Variants in KLHL13 observed in about 807,000 individuals in gnomAD.
KLHL13 encodes the protein kelch-like protein 13.
In KLHL13, 10 loss-of-function variants were observed where a neutral mutation model predicts 37.1. The ratio of observed to expected loss-of-function variants is 0.27; its 90% CI spans 0.17 to 0.46. KLHL13 has a LOEUF of 0.46. KLHL13 is among the 20% of genes least tolerant of loss of function. KLHL13 has a pLI of 1.00. For synonymous variants in KLHL13, 163 were observed against 181.2 expected (o/e 0.90, Z 0.81); for missense variants, 360 against 509.3 (o/e 0.71, Z 2.82).
chrX:118,018,415 G>A (rs1393470248), intron 1 of KLHL13, among the ~76,000 whole-genome samples: 1 of 111,639 alleles, frequency 9.0e-6, no homozygotes, highest in Non-Finnish European at 1.9e-5. Flanking sequence ...ATCATAAACA[G>A]AACAAATATA....
chrX:118,028,672 A>T (rs754072452), intron 1 of KLHL13, among the ~76,000 whole-genome samples, 175 bp from the exon 2 acceptor site: 69 of 112,136 alleles, frequency 6.2e-4, no homozygotes, highest in African/African-American at 2.1e-3. Context: ...AATCTTATTT[A>T]AAAAACTGAA....
intron 1 of KLHL13, among the ~76,000 whole-genome samples, chrX:118,023,255 C>T (rs1199710230): frequency 9.0e-6 from 1 of 111,083 alleles, no homozygotes; most frequent in Non-Finnish European, 1.9e-5. Flanking sequence ...TTTATTGCTG[C>T]TTAAGGAACA....
chrX:117,934,578 C>A (rs182062737), intron 2 of KLHL13, among the ~76,000 whole-genome samples: 1 of 110,016 alleles, frequency 9.1e-6, no homozygotes, highest in Non-Finnish European at 1.9e-5. Context: ...CAAGAAGGGA[C>A]CATAAAGCTG....
intron 1 of KLHL13, among the ~76,000 whole-genome samples, chrX:118,053,838 A>AGGGGGG (rs1322412138): frequency 2.6e-5 from 1 of 38,498 alleles, no homozygotes; most frequent in Non-Finnish European, 4.2e-5. Context: ...AGAGAGAGAG[A>AGGGGGG]GAGAGAGAGA....
At chrX:118,015,282 C>G (rs1362577782) in intron 1 of KLHL13, among the ~76,000 whole-genome samples, 1 of 111,480 alleles carries the variant, frequency 9.0e-6, no homozygotes, top group Non-Finnish European at 1.9e-5. Flanking sequence ...GAAAATACAT[C>G]GAGGTGTTAA....
At chrX:118,069,691 A>G (rs893243473) in intron 1 of KLHL13, among the ~76,000 whole-genome samples, 35 of 111,978 alleles carry the variant, frequency 3.1e-4, no homozygotes, top group African/African-American at 1.1e-3. Context: ...AAGTGTTATT[A>G]CAAAAGAGGC....
chrX:118,102,119 A>T (rs1319897894), intron 1 of KLHL13, among the ~76,000 whole-genome samples: 3 of 111,509 alleles, frequency 2.7e-5, no homozygotes, highest in Non-Finnish European at 5.6e-5. Context: ...GCAGGAGTCA[A>T]GTCATGATGG....
intron 1 of KLHL13, among the ~76,000 whole-genome samples, chrX:117,984,878 T>C (rs1294441882): frequency 9.1e-6 from 1 of 110,376 alleles, no homozygotes; most frequent in Admixed American, 9.8e-5. Context: ...AAAAATCTGG[T>C]ATGCCACCTT....
chrX:117,975,490 C>A (rs928284726), upstream of KLHL13, among the ~76,000 whole-genome samples: 2 of 111,495 alleles, frequency 1.8e-5, no homozygotes, highest in African/African-American at 6.5e-5. Context: ...TTTCAGGTTG[C>A]AGCAATTCTC....
At chrX:117,989,834 A>C (rs146764816) in intron 1 of KLHL13, among the ~76,000 whole-genome samples, 7,029 of 111,179 alleles carry the variant, frequency 0.063, 530 homozygotes, top group African/African-American at 0.21. Context: ...AGATACAGGT[A>C]ATGGGTTTGC....
intron 1 of KLHL13, among the ~76,000 whole-genome samples, chrX:118,072,175 G>T (rs371413413): frequency 1.9e-4 from 21 of 109,465 alleles, no homozygotes; most frequent in African/African-American, 3.7e-4. Flanking sequence ...AAATAACGCC[G>T]CATATCTACA....
At chrX:117,987,660 T>C (rs1015855540) in intron 1 of KLHL13, among the ~76,000 whole-genome samples, 2 of 112,355 alleles carry the variant, frequency 1.8e-5, no homozygotes, top group Non-Finnish European at 3.8e-5. Flanking sequence ...TGATTTCTTT[T>C]ATGTAAACAA....
intron 1 of KLHL13, among the ~76,000 whole-genome samples, chrX:118,036,355 TAC>T (rs1266448340): frequency 8.9e-6 from 1 of 112,038 alleles, no homozygotes; most frequent in Non-Finnish European, 1.9e-5. Context: ...ACTACAAGGC[TAC>T]AGTCACCAAA....
At chrX:117,966,380 C>T (rs2053431172) in intron 1 of KLHL13, among the ~76,000 whole-genome samples, 1 of 110,600 alleles carries the variant, frequency 9.0e-6, no homozygotes, top group Non-Finnish European at 1.9e-5. Context: ...TCAAGGAGAA[C>T]TACAAACCAC....
chrX:118,106,616 G>A (rs948869867), intron 1 of KLHL13, among the ~76,000 whole-genome samples: 2 of 111,480 alleles, frequency 1.8e-5, no homozygotes, highest in Non-Finnish European at 3.8e-5. Flanking sequence ...AAAAACCTGT[G>A]AATATACAGT....
chrX:117,998,363 G>A (rs940714199), intron 1 of KLHL13, among the ~76,000 whole-genome samples: 8 of 111,903 alleles, frequency 7.1e-5, no homozygotes, highest in East Asian at 5.6e-4. Flanking sequence ...GAGAGAAACC[G>A]CATAGTAATT....
At chrX:117,913,918 T>A (rs1931165651) in intron 4 of KLHL13, among the ~76,000 whole-genome samples, 1 of 110,884 alleles carries the variant, frequency 9.0e-6, no homozygotes, top group Admixed American at 9.6e-5. Context: ...ATAAAATTGT[T>A]CTTAAAATAA....
intron 1 of KLHL13, among the ~76,000 whole-genome samples, chrX:117,969,487 A>C (rs1421886793): frequency 9.0e-6 from 1 of 111,652 alleles, no homozygotes; most frequent in East Asian, 2.8e-4. Context: ...GTCTTTACTA[A>C]TGCAGTTTAC....
intron 1 of KLHL13, among the ~76,000 whole-genome samples, chrX:118,067,990 G>A (rs765339897): frequency 1.8e-5 from 2 of 111,656 alleles, no homozygotes; most frequent in Non-Finnish European, 3.8e-5. Context: ...ACTAGAAGCA[G>A]CACAGTGGGG....
Sources: gnomAD v4.1 joint callset for allele counts (sites outside exome capture counted in the v4.1 genomes callset) on GRCh38, gnomAD v4.1.1 for gene constraint, MANE v1.5 for transcripts, NCBI Gene and HGNC (gene_info 2026-07-23, HGNC 2026-07-21) for gene names.